The following BSN variants were observed in gnomAD, a reference collection of about 807,000 sequenced individuals.
BSN encodes the protein protein bassoon.
Under a neutral mutation model 264.8 loss-of-function variants are expected in BSN, and 57 were observed. The ratio of observed to expected loss-of-function variants is 0.22; its 90% CI spans 0.17 to 0.27. The LOEUF is 0.27. BSN is among the 10% of genes least tolerant of loss of function. BSN has a pLI of 1.00. For missense variants in BSN, 4,615 were observed against 5,232.5 expected, an observed-to-expected ratio of 0.88 and a Z score of 3.64; for synonymous variants, 2,059 against 2,137.3, an observed-to-expected ratio of 0.96 and a Z score of 1.01.
chr3:49,660,947 C>G lies in BSN; in HGVS notation c.9102C>G (p.Asp3034Glu). The change falls in exon 6 of 12, where the codon GAC (aspartate) becomes GAG (glutamate). Residue 3034 changes from aspartate (D) to glutamate (E), a missense_variant. By Grantham distance (45) the Asp-to-Glu change is conservative. Around this residue, in one of 3 missense-constraint regions of BSN, gnomAD observed 3,415 missense variants for 3,866.4 expected, o/e 0.88. Coordinates refer to ENST00000296452, the MANE Select transcript of BSN (RefSeq NM_003458.4). This position sits in a 1 kb window ranked among gnomAD's most constrained non-coding sequence, Gnocchi z 7.1. ...CCACTCCCGCTGGCCAGTTTGTGGA[C>G]TTCCCTGCCACTGCCGCTGCTCCTG... is the stretch of plus-strand genomic sequence containing the variant. ...GCTTPAGQFV[D>E]FPATAAAPAT... 1.2e-6 allele frequency: 2 copies of G among 1,611,846 alleles called. No homozygotes were observed. Among genetic ancestry groups the G allele is most frequent in the Non-Finnish European group, 1.7e-6 (2 of 1,179,910 alleles).
intron 3 of BSN, among the ~76,000 whole-genome samples, chr3:49,644,082 A>G (rs2052487952): frequency 6.6e-6 from 1 of 151,894 alleles, no homozygotes; most frequent in Non-Finnish European, 1.5e-5. Flanking sequence ...CACCCATGTG[A>G]CCCTTACCAT....
chr3:49,649,225 C>T (rs575108614), intron 3 of BSN, among the ~76,000 whole-genome samples: 3 of 152,354 alleles, frequency 2.0e-5, no homozygotes, highest in Non-Finnish European at 2.9e-5. Flanking sequence ...TGTCAGCCTT[C>T]CTGGGGGTGG....
intron 2 of BSN, among the ~76,000 whole-genome samples, chr3:49,639,431 C>T (rs765373819): frequency 6.6e-6 from 1 of 152,096 alleles, no homozygotes; most frequent in Non-Finnish European, 1.5e-5. Flanking sequence ...ATCTCCTGAC[C>T]TCATGATCCG....
chr3:49,624,092 C>T (rs2052323528), intron 1 of BSN, among the ~76,000 whole-genome samples: 4 of 151,966 alleles, frequency 2.6e-5, no homozygotes, highest in Admixed American at 2.6e-4. Context: ...GCTCCACCTC[C>T]CGGGTTCACG....
chr3:49,643,309 TC>T (rs2052481295), intron 3 of BSN, among the ~76,000 whole-genome samples, 157 bp downstream of exon 3: 1 of 152,202 alleles, frequency 6.6e-6, no homozygotes, highest in African/African-American at 2.4e-5. Flanking sequence ...CCCTTTCCTG[TC>T]CCTACCTCAG....
chr3:49,590,571 C>T (rs987597353), intron 1 of BSN, among the ~76,000 whole-genome samples: 3 of 151,988 alleles, frequency 2.0e-5, no homozygotes, highest in African/African-American at 7.3e-5. Context: ...TTACAATACA[C>T]ATCTTAATTT....
chr3:49,586,132 T>A (rs1489027759), intron 1 of BSN, among the ~76,000 whole-genome samples: 5 of 152,216 alleles, frequency 3.3e-5, no homozygotes, highest in Non-Finnish European at 7.3e-5. Context: ...CATTTTTGTT[T>A]TAGTTGCCTG....
Position 49,574,249 on chromosome 3 carries a change from T to A in BSN, c.224+19423T>A, listed in dbSNP as rs551352675. ...TCCCAAAGTTTTGGGATTATAGGCG[T>A]GAGCCACTGTGACCAGCTAATAGTA... On this transcript the variant is annotated intron_variant, in intron 1 of 11. Coordinates refer to ENST00000296452, the MANE Select transcript of BSN (RefSeq NM_003458.4). Among the ~76,000 whole-genome samples, 32 of 150,228 alleles carry A rather than the reference T, an allele frequency of 2.1e-4. 1 individual carries two copies. The highest frequency in any genetic ancestry group is 3.2e-4 in the African/African-American group (13 of 40,728).
chr3:49,658,185 C>G lies in BSN; in HGVS notation c.8629C>G (p.Leu2877Val). Residue 2877 changes from leucine (L) to valine (V), a missense_variant, in exon 5 of 12, where the codon CTG becomes GTG. This residue lies in a region of BSN where 3,415 missense variants were observed against 3,866.4 expected (regional missense o/e 0.88). Transcript: ENST00000296452. ...RFSLYQHQGG[L>V]GSQVSALPPN... ...CTCCCTCTACCAGCACCAGGGGGGA[C>G]TGGGTAGCCAGGTATGGGAACAGGG... The G allele has an allele frequency of 6.4e-7, 1 of 1,567,668 alleles. No individual in the cohort carries two copies. The highest frequency in any genetic ancestry group is 8.7e-7 in the Non-Finnish European group (1 of 1,152,102).
downstream of BSN, among the ~76,000 whole-genome samples, chr3:49,671,728 A>G (rs1413894603): frequency 2.6e-5 from 4 of 152,198 alleles, no homozygotes; most frequent in Non-Finnish European, 5.9e-5. The surrounding 1 kb of genome is among the most constrained non-coding windows in gnomAD (Gnocchi z 4.1). Flanking sequence ...GCCCTCCACA[A>G]AGGTGCCCAA....
At chr3:49,591,378 G>A (rs2051975860) in intron 1 of BSN, among the ~76,000 whole-genome samples, 6 of 152,032 alleles carry the variant, frequency 3.9e-5, no homozygotes, top group Admixed American at 3.9e-4. Flanking sequence ...GCTTTCTTTT[G>A]TACTTACCTA....
chr3:49,574,974 T>G (rs980838754), intron 1 of BSN, among the ~76,000 whole-genome samples: 1 of 152,096 alleles, frequency 6.6e-6, no homozygotes, highest in Non-Finnish European at 1.5e-5. Flanking sequence ...TGAGTTCTGG[T>G]ATGTCAGTAC....
chr3:49,554,717 G>A lies in BSN; in HGVS notation c.115G>A (p.Ala39Thr). The change falls in exon 1 of 12, where the codon GCA (alanine) becomes ACA (threonine). Residue 39 changes from alanine (A) to threonine (T), a missense_variant. By Grantham distance (58) the Ala-to-Thr change is moderately conservative (BLOSUM62 0). Transcript: ENST00000296452. Reference protein sequence around the residue: ...PGPGAGKPPSAPAGGGQLPAA... With the variant: ...PGPGAGKPPSTPAGGGQLPAA... ...CCCCGGCGCAGGAAAGCCGCCTTCA[G>A]CACCGGCCGGTGGCGGACAGCTCCC... 1 of 1,207,630 alleles carries A rather than the reference G, an allele frequency of 8.3e-7. No homozygotes were observed. The allele number at this position is 1,207,630 out of a possible 1,614,324, so 74.8% of individuals were successfully genotyped here.
intron 2 of BSN, among the ~76,000 whole-genome samples, chr3:49,629,535 G>A (rs2108061472): frequency 6.6e-6 from 1 of 152,362 alleles, no homozygotes; most frequent in South Asian, 2.1e-4. Context: ...GGACTTCCAT[G>A]CCCCACTCAG....
chr3:49,637,011 A>G (rs2052424862), intron 2 of BSN, among the ~76,000 whole-genome samples: 1 of 152,252 alleles, frequency 6.6e-6, no homozygotes, highest in South Asian at 2.1e-4. Context: ...CACACTGGCC[A>G]GTGGGGCCCT....
intron 3 of BSN, among the ~76,000 whole-genome samples, chr3:49,649,975 G>A (rs1307154842): frequency 1.3e-5 from 2 of 152,244 alleles, no homozygotes; most frequent in African/African-American, 4.8e-5. Flanking sequence ...GCTGGCCTTA[G>A]ACAAGGTGAC....
Position 49,588,919 on chromosome 3 carries a change from G to GT in BSN, c.224+34106dup, listed in dbSNP as rs752329033. On this transcript the variant is annotated intron_variant, in intron 1 of 11. Transcript: ENST00000296452. ...GCATTCTGCTGTTGTTGGGTGGAGT[G>GT]TTTTTTTTTTTTTGAGACAGAGTCT... Among the ~76,000 whole-genome samples the GT allele has an allele frequency of 3.6e-3, 513 of 141,212 alleles. 2 individuals carry two copies. Among genetic ancestry groups the GT allele is most frequent in the East Asian group, 0.01 (50 of 4,918 alleles). 92.6% of individuals were successfully genotyped at this position (141,212 alleles called of 152,430 possible).
chr3:49,556,994 T>A (rs1453840396), intron 1 of BSN, among the ~76,000 whole-genome samples: 1 of 152,170 alleles, frequency 6.6e-6, no homozygotes, highest in Non-Finnish European at 1.5e-5. Context: ...TACCTTGTCA[T>A]CCCAGGCTGA....
chr3:49,567,615 C>G (rs140011614), intron 1 of BSN, among the ~76,000 whole-genome samples: 103 of 152,340 alleles, frequency 6.8e-4, no homozygotes, highest in African/African-American at 2.1e-3. Context: ...TTTCAAGCCT[C>G]TGACCTGATG....
Sources: gnomAD v4.1 joint callset for allele counts (sites outside exome capture counted in the v4.1 genomes callset) on GRCh38, gnomAD v4.1.1 for gene constraint, gnomAD v4.1.1 regional missense constraint, Gnocchi (gnomAD v3.1) non-coding constraint, MANE v1.5 for transcripts, NCBI Gene and HGNC (gene_info 2026-07-23, HGNC 2026-07-21) for gene names.